Variants in HSPG2 observed in about 807,000 individuals in gnomAD.
HSPG2 encodes heparan sulfate proteoglycan 2, also known as basement membrane-specific heparan sulfate proteoglycan core protein.
In HSPG2, 278 loss-of-function variants were observed where a neutral mutation model predicts 526.6. The observed-to-expected ratio is 0.53, with a 90% CI of 0.48 to 0.58. HSPG2 has a LOEUF of 0.58. Ranked by LOEUF, HSPG2 falls within the 20% of genes least tolerant of loss-of-function variation. The pLI, the probability that HSPG2 is intolerant of heterozygous loss-of-function variation, is 0.00. For missense variants in HSPG2, 5,354 were observed against 6,099.5 expected, an observed-to-expected ratio of 0.88 and a Z score of 4.07; for synonymous variants, 2,465 against 2,555.4, an observed-to-expected ratio of 0.96 and a Z score of 1.07.
Position 21,831,572 on chromosome 1 carries a change from T to C in HSPG2, c.11353-10A>G. 1.9e-6 allele frequency: 3 copies of C among 1,613,220 alleles called. No individual in the cohort carries two copies. The African/African-American group carries it at 4.0e-5, about 22-fold the overall frequency. ...GGCCCTGGAACTTGCCCTGGGGAGG[T>C]GGGGAAGTCAGGAATGGCAACAGAG... On this transcript the variant is annotated splice_polypyrimidine_tract_variant and intron_variant, in intron 82 of 96. Coordinates refer to ENST00000374695, the MANE Select transcript of HSPG2 (RefSeq NM_005529.7).
rs78648629 is a variant in HSPG2 at position 21,898,086 on chromosome 1, C to T, written c.64-1776G>A. On this transcript the variant is annotated intron_variant, in intron 1 of 96. Coordinates refer to ENST00000374695, the MANE Select transcript of HSPG2 (RefSeq NM_005529.7). This position sits in a 1 kb window ranked among gnomAD's most constrained non-coding sequence, Gnocchi z 4.0. ...ATACTTGAATGAATGAATAAATGAA[C>T]GGACAAAAACGGAATTCATCACCTA... 5.9e-3 allele frequency among the ~76,000 whole-genome samples: 900 copies of T among 152,256 alleles called. 10 individuals are homozygous for T. Among genetic ancestry groups the T allele is most frequent in the African/African-American group, 0.02 (849 of 41,534 alleles).
chr1:21,857,948 C>T (rs1055589094), intron 42 of HSPG2, among the ~76,000 whole-genome samples: 7 of 152,210 alleles, frequency 4.6e-5, no homozygotes, highest in Non-Finnish European at 8.8e-5. Context: ...CACCCCTCCC[C>T]GGGGCTTCTT....
intron 1 of HSPG2, among the ~76,000 whole-genome samples, chr1:21,930,719 C>A (rs1255885506): frequency 6.6e-6 from 1 of 150,644 alleles, no homozygotes; most frequent in Admixed American, 6.6e-5. Context: ...GATTGCAGTG[C>A]GGCGAGATCA....
intron 52 of HSPG2, 56 bp from the exon 53 acceptor site, chr1:21,852,289 G>A (rs1638964004): frequency 6.2e-7 from 1 of 1,604,914 alleles, no homozygotes; most frequent in Non-Finnish European, 8.5e-7. Context: ...TGAGAGGGCA[G>A]GGGTTGCCCA....
At position 21,823,690 on chromosome 1, in the gene HSPG2, T is replaced by G. The variant is rs144864169; in HGVS notation, c.12929A>C (p.Asp4310Ala). 4.3e-5 allele frequency: 69 copies of G among 1,613,668 alleles called. No individual in the cohort carries two copies. The African/African-American group carries it at 8.5e-4, about 20-fold the overall frequency. ...CCGGCCGCTGACCAGCTCCTCACCG[T>G]CGACTTGGATGGAACCTCTGCGGCC... ...REGRRGSIQV[D>A]GEELVSGRSP... is the part of the protein sequence containing the mutation. The change falls in exon 96 of 97, where the codon GAC becomes GCC. Residue 4310 changes from aspartate to alanine, a missense_variant. By Grantham distance (126) the Asp-to-Ala change is moderately radical. Transcript: ENST00000374695.
Position 21,876,225 on chromosome 1 carries a change from C to T in HSPG2, c.3003+4G>A. On this transcript the variant is annotated splice_donor_region_variant and intron_variant, in intron 23 of 96. Transcript: ENST00000374695. ...TTTCCTTTGCCTTTCCACCCACTAC[C>T]CACCTTGTCCCCCAGGAAGCGTGAA... 6.2e-7 allele frequency: 1 copy of T among 1,602,394 alleles called. No homozygotes were observed. Among genetic ancestry groups the T allele is most frequent in the Non-Finnish European group, 8.5e-7 (1 of 1,174,324 alleles).
At chr1:21,850,310 G>T (rs528450027) in intron 56 of HSPG2, 53 bp downstream of exon 56, 10 of 1,604,756 alleles carry the variant, frequency 6.2e-6, no homozygotes, top group Middle Eastern at 1.7e-4. Flanking sequence ...TTGCAAGAGT[G>T]GGGGGCCTCC....
rs374680668 is a variant in HSPG2 at position 21,851,535 on chromosome 1, C to T, written c.7158+11G>A. 503 of 1,613,690 alleles carry T rather than the reference C, an allele frequency of 3.1e-4. 3 individuals are homozygous for T. The highest frequency in any genetic ancestry group is 5.6e-4 in the East Asian group (25 of 44,884). ...TCCTCTTCTTGGCCTGTCTGTCCTC[C>T]AGTCCCATACCTGGTGCCGGACAGG... On this transcript the variant is annotated intron_variant, in intron 55 of 96. Transcript: ENST00000374695.
In HSPG2 at chr1:21,881,363, C is replaced by A. The variant is rs1553170701; in HGVS notation, c.1794G>T (p.Leu598=). The A allele has an allele frequency of 6.2e-7, 1 of 1,614,176 alleles. No homozygotes were observed. Residue 598 remains leucine, a synonymous_variant, in exon 14 of 97, where the codon CTG becomes CTT. Transcript: ENST00000374695. ...CCTTGTTGCCCAGGAACTGTTCAGGCAGAGCCCAGAAGGAGTCGTGGACGA... is the reference window on the plus strand; with the variant it reads ...CCTTGTTGCCCAGGAACTGTTCAGGAAGAGCCCAGAAGGAGTCGTGGACGA... ...RFLVHDSFWA[L]PEQFLGNKVD... is the part of the protein sequence containing the mutation.
chr1:21,831,939 G>T, intron 81 of HSPG2, 143 bp from the exon 82 acceptor site: 1 of 874,594 alleles, frequency 1.1e-6, no homozygotes, highest in Non-Finnish European at 1.7e-6. Flanking sequence ...TCCCGTTCCT[G>T]TCCCTGTCTT....
rs994606038 is a variant in HSPG2 at position 21,848,185 on chromosome 1, G to T, written c.7738-92C>A. On this transcript the variant is annotated intron_variant, in intron 59 of 96. Transcript: ENST00000374695. The surrounding 1 kb of genome is among the most constrained non-coding windows in gnomAD (Gnocchi z 4.9). Reference sequence around the variant, plus strand: ...GCTGCCGCTGCCCCTGGACTCTGGGGGCCTCCCTGCCTTGCCTCCTCAGTG... The same window carrying T: ...GCTGCCGCTGCCCCTGGACTCTGGGTGCCTCCCTGCCTTGCCTCCTCAGTG... 1 of 1,453,528 alleles carries T rather than the reference G, an allele frequency of 6.9e-7. No homozygotes were observed. The highest frequency in any genetic ancestry group is 2.0e-5 in the Admixed American group (1 of 50,906). 90.0% of individuals were successfully genotyped at this position (1,453,528 alleles called of 1,614,324 possible).
In HSPG2 at chr1:21,869,723, C is replaced by T. The variant is rs548466901; in HGVS notation, c.4221+2463G>A. 1.8e-5 allele frequency: 18 copies of T among 986,060 alleles called. No homozygotes were observed. In the Admixed American group the frequency reaches 1.8e-4, roughly 10 times the overall value. 61.1% of individuals were successfully genotyped at this position (986,060 alleles called of 1,614,324 possible). Reference sequence around the variant, plus strand: ...AGCAGAGAGGGACAGAAAGGACGTCCGTGAGGCTTCACCTCCCCACGGGCC... The same window carrying T: ...AGCAGAGAGGGACAGAAAGGACGTCTGTGAGGCTTCACCTCCCCACGGGCC... On this transcript the variant is annotated intron_variant, in intron 33 of 96. Transcript: ENST00000374695.
In HSPG2 at chr1:21,878,423, C is replaced by T. The variant is rs950066083; in HGVS notation, c.2617+10G>A. The T allele has an allele frequency of 1.2e-6, 2 of 1,600,104 alleles. No homozygotes were observed. Among genetic ancestry groups the T allele is most frequent in the Non-Finnish European group, 1.7e-6 (2 of 1,172,042 alleles). ...GGTGGGTGTCAGGGGATGGTGGCAG[C>T]CATACTCACTGACGGGCCTGCACTT... On this transcript the variant is annotated intron_variant, in intron 20 of 96. Coordinates refer to ENST00000374695, the MANE Select transcript of HSPG2 (RefSeq NM_005529.7).
chr1:21,841,222 G>C lies in HSPG2; in HGVS notation c.9392C>G (p.Thr3131Ser). 1 of 1,613,938 alleles carries C rather than the reference G, an allele frequency of 6.2e-7. No homozygotes were observed. The highest frequency in any genetic ancestry group is 8.5e-7 in the Non-Finnish European group (1 of 1,180,056). Residue 3131 changes from threonine (T) to serine (S), a missense_variant, in exon 71 of 97, where the codon ACC (threonine) becomes AGC (serine). By Grantham distance (58) the Thr-to-Ser change is moderately conservative. Transcript: ENST00000374695. The stretch of plus-strand genomic sequence containing the variant: ...CTCCCCGGCACTGACACACTCCAGG[G>C]TGACAGCCTTTCCCACTTTCACCCA... Reference protein sequence around the residue: ...PVWVKVGKAVTLECVSAGEPR... With the variant: ...PVWVKVGKAVSLECVSAGEPR...
Position 21,839,610 on chromosome 1 carries a change from G to A in HSPG2, c.9710-60C>T. On this transcript the variant is annotated intron_variant, in intron 72 of 96. Transcript: ENST00000374695. The surrounding 1 kb of genome is among the most constrained non-coding windows in gnomAD (Gnocchi z 4.5). ...GGGCTACCTCAGGGACCCGCAGAGG[G>A]TGGCCATGGTGAGGAAGGGCCCTGG... The A allele has an allele frequency of 1.3e-6, 2 of 1,584,818 alleles. No homozygotes were observed. The highest frequency in any genetic ancestry group is 1.7e-6 in the Non-Finnish European group (2 of 1,160,622).
chr1:21,864,896 G>A lies in HSPG2; in HGVS notation c.4573C>T (p.Leu1525Phe). The A allele has an allele frequency of 1.2e-6, 2 of 1,610,542 alleles. No homozygotes were observed. Among genetic ancestry groups the A allele is most frequent in the Admixed American group, 1.7e-5 (1 of 59,930 alleles). The change falls in exon 36 of 97, where the codon CTC becomes TTC. Residue 1525 changes from leucine (L) to phenylalanine (F), a missense_variant. By Grantham distance (22) the Leu-to-Phe change is conservative. Coordinates refer to ENST00000374695, the MANE Select transcript of HSPG2 (RefSeq NM_005529.7). The surrounding 1 kb of genome is among the most constrained non-coding windows in gnomAD (Gnocchi z 4.8). ...QPGPSNRPRA[L>F]EVEECRCPPG... ...GGGCAGCGGCACTCCTCCACCTCGA[G>A]GGCGCGGGGTCTGTTTGAGGGCCCC...
At chr1:21,882,708 G>C (rs1217003855) in intron 13 of HSPG2, among the ~76,000 whole-genome samples, 1 of 152,128 alleles carries the variant, frequency 6.6e-6, no homozygotes, top group East Asian at 1.9e-4. Flanking sequence ...GCCACACAGG[G>C]CCAGTGACTG....
intron 1 of HSPG2, chr1:21,908,372 G>C (rs112261187): frequency 3.7e-6 from 4 of 1,070,542 alleles, no homozygotes; most frequent in Admixed American, 1.7e-5. Context: ...ATTAATGTGC[G>C]TATTGAGCAC....
At position 21,898,829 on chromosome 1, in the gene HSPG2, T is replaced by C. The variant is rs1642925273; in HGVS notation, c.64-2519A>G. 6.6e-6 allele frequency among the ~76,000 whole-genome samples: 1 copy of C among 152,206 alleles called. No homozygotes were observed. Among genetic ancestry groups the C allele is most frequent in the South Asian group, 2.1e-4 (1 of 4,834 alleles). ...GTTATGGAGGGCATGCCTGGAGCAC[T>C]GCGACTCCCAGCATCTCCTAGACAC... On this transcript the variant is annotated intron_variant, in intron 1 of 96. Transcript: ENST00000374695. This position sits in a 1 kb window ranked among gnomAD's most constrained non-coding sequence, Gnocchi z 4.0.
Sources: gnomAD v4.1 joint callset for allele counts (sites outside exome capture counted in the v4.1 genomes callset) on GRCh38, gnomAD v4.1.1 for gene constraint, Gnocchi (gnomAD v3.1) non-coding constraint, MANE v1.5 for transcripts, NCBI Gene and HGNC (gene_info 2026-07-23, HGNC 2026-07-21) for gene names.